FGGY: variants seen among roughly 807,000 people sequenced by gnomAD.
FGGY encodes the protein FGGY carbohydrate kinase domain containing, also known as FGGY carbohydrate kinase domain-containing protein.
Under a neutral mutation model 71.3 loss-of-function variants are expected in FGGY, and 72 were observed. The ratio of observed to expected loss-of-function variants is 1.01; its 90% CI spans 0.84 to 1.23. The LOEUF is 1.23. Ranked by LOEUF, FGGY falls within the 50% of genes most tolerant of loss-of-function variation. The pLI is 0.00. For synonymous variants in FGGY, 251 were observed against 250.3 expected (o/e 1.00, Z -0.02); for missense variants, 668 against 682.3 (o/e 0.98, Z 0.23).
At chr1:59,333,406 A>C (rs2048874890) in intron 2 of FGGY, among the ~76,000 whole-genome samples, 1 of 152,230 alleles carries the variant, frequency 6.6e-6, no homozygotes, top group African/African-American at 2.4e-5. Context: ...CTGATGCCAG[A>C]TGTTGAGCTC....
chr1:59,597,027 G>A (rs2096531545), intron 8 of FGGY, among the ~76,000 whole-genome samples: 1 of 152,106 alleles, frequency 6.6e-6, no homozygotes, highest in African/African-American at 2.4e-5. Context: ...TAATACTTTT[G>A]CACTCAAGCA....
At chr1:59,348,354 G>A (rs1041861733) in intron 4 of FGGY, among the ~76,000 whole-genome samples, 2 of 152,106 alleles carry the variant, frequency 1.3e-5, no homozygotes, top group East Asian at 1.9e-4. Context: ...ACCTGCACTC[G>A]AGTTTCTCAT....
chr1:59,559,036 T>G (rs1019758518), intron 8 of FGGY, among the ~76,000 whole-genome samples: 1 of 152,224 alleles, frequency 6.6e-6, no homozygotes, highest in African/African-American at 2.4e-5. Flanking sequence ...TGTTATTCTG[T>G]TCTTTTTCCA....
intron 4 of FGGY, among the ~76,000 whole-genome samples, chr1:59,368,276 G>C (rs1198549816): frequency 6.6e-6 from 1 of 152,204 alleles, no homozygotes; most frequent in African/African-American, 2.4e-5. Context: ...GTACGGAAAT[G>C]TGCTTAGAAG....
chr1:59,392,380 G>C (rs900443699), intron 5 of FGGY, among the ~76,000 whole-genome samples: 1 of 152,186 alleles, frequency 6.6e-6, no homozygotes, highest in African/African-American at 2.4e-5. Flanking sequence ...AGATACAGAA[G>C]TGGTGTGGCT....
intron 5 of FGGY, among the ~76,000 whole-genome samples, chr1:59,401,490 C>T (rs1036125367): frequency 3.3e-5 from 5 of 152,118 alleles, no homozygotes; most frequent in Non-Finnish European, 7.4e-5. Flanking sequence ...AGACCAAAGA[C>T]GAAACTGGTA....
intron 2 of FGGY, among the ~76,000 whole-genome samples, chr1:59,328,762 G>A (rs917973051): frequency 1.3e-5 from 2 of 151,666 alleles, no homozygotes; most frequent in Admixed American, 6.6e-5. Flanking sequence ...ACCATTGTAG[G>A]GTTATTAATT....
intron 14 of FGGY, among the ~76,000 whole-genome samples, chr1:59,685,192 A>G (rs897395057): frequency 2.0e-5 from 3 of 152,072 alleles, no homozygotes; most frequent in African/African-American, 7.2e-5. Flanking sequence ...ACGCTTCTCA[A>G]GGATGTCCGG....
chr1:59,726,969 T>C (rs771503480), intron 14 of FGGY, among the ~76,000 whole-genome samples: 3 of 152,178 alleles, frequency 2.0e-5, no homozygotes, highest in Non-Finnish European at 2.9e-5. Context: ...TGCTAAGGTT[T>C]GGGTACAGAT....
intron 5 of FGGY, among the ~76,000 whole-genome samples, chr1:59,439,031 C>G (rs1046671978): frequency 1.3e-5 from 2 of 152,044 alleles, no homozygotes; most frequent in Non-Finnish European, 2.9e-5. Context: ...CTCTATTTTT[C>G]CTTGCACTTG....
At chr1:59,537,193 T>C (rs2095340850) in intron 7 of FGGY, among the ~76,000 whole-genome samples, 1 of 151,566 alleles carries the variant, frequency 6.6e-6, no homozygotes, top group Non-Finnish European at 1.5e-5. Flanking sequence ...AGCATTCTTA[T>C]ACACCAATAA....
intron 8 of FGGY, among the ~76,000 whole-genome samples, chr1:59,602,251 C>T (rs994382531): frequency 1.2e-4 from 18 of 152,168 alleles, no homozygotes; most frequent in African/African-American, 4.3e-4. Flanking sequence ...AGCTATTTGA[C>T]CTCCTGCAGC....
At chr1:59,474,303 T>G (rs541054912) in intron 6 of FGGY, 10 of 152,284 alleles carry the variant, frequency 6.6e-5, no homozygotes, top group Non-Finnish European at 1.3e-4. Context: ...ACCCCCAACT[T>G]CTCTTCCTAC....
intron 5 of FGGY, among the ~76,000 whole-genome samples, chr1:59,422,261 T>C (rs1425708074): frequency 6.6e-6 from 1 of 152,246 alleles, no homozygotes; most frequent in African/African-American, 2.4e-5. Flanking sequence ...TCCAATAGTT[T>C]GGTGATTTAC....
intron 13 of FGGY, among the ~76,000 whole-genome samples, chr1:59,672,094 AC>A (rs2097384378): frequency 6.6e-6 from 1 of 152,074 alleles, no homozygotes; most frequent in African/African-American, 2.4e-5. Context: ...ATAGTCGCAC[AC>A]CCATCTGTAT....
chr1:59,299,706 C>T (rs1388828510), intron 1 of FGGY, among the ~76,000 whole-genome samples: 2 of 86,348 alleles, frequency 2.3e-5, no homozygotes, highest in East Asian at 6.7e-4. Context: ...GGTGGGGGGG[C>T]GGGTCTTATG....
intron 5 of FGGY, among the ~76,000 whole-genome samples, chr1:59,436,591 A>G (rs1365724374): frequency 6.6e-6 from 1 of 152,214 alleles, no homozygotes; most frequent in Admixed American, 6.5e-5. Flanking sequence ...ATAAATGAAT[A>G]AATTGCTGGA....
intron 4 of FGGY, among the ~76,000 whole-genome samples, chr1:59,353,724 G>A (rs1489979666): frequency 1.3e-5 from 2 of 152,052 alleles, no homozygotes; most frequent in African/African-American, 2.4e-5. Context: ...TATATTACCA[G>A]ATGAGGAAAC....
chr1:59,616,323 C>A (rs2096753590), intron 9 of FGGY, among the ~76,000 whole-genome samples: 1 of 152,152 alleles, frequency 6.6e-6, no homozygotes. Flanking sequence ...GAGTTCATGT[C>A]CTTTGTAGGG....
Sources: allele counts gnomAD v4.1 joint callset (sites outside exome capture counted in the v4.1 genomes callset), GRCh38; gene constraint gnomAD v4.1.1; transcripts MANE v1.5; gene names NCBI Gene and HGNC (gene_info 2026-07-23, HGNC 2026-07-21).